Variants in SPRR2G observed in about 807,000 individuals in gnomAD.
The protein encoded by SPRR2G is small proline rich protein 2G.
In SPRR2G, 1 loss-of-function variant was observed where a neutral mutation model predicts 0.7. That is an observed-to-expected ratio of 1.49 (90% confidence interval 0.53 to 7.06). The LOEUF is 7.06. SPRR2G is among the 30% of genes most tolerant of loss of function. The pLI is 0.14. For missense variants in SPRR2G, 96 were observed against 88.5 expected (o/e 1.09, Z -0.34); for synonymous variants, 38 against 33.9 (o/e 1.12, Z -0.42).
the SPRR2G span, among the ~76,000 whole-genome samples, chr1:153,183,570 GT>G: frequency 6.6e-6 from 1 of 151,900 alleles, no homozygotes; most frequent in Non-Finnish European, 1.5e-5. Context: ...GGGGTTGTTT[GT>G]TTTTTTCTTG....
the SPRR2G span, among the ~76,000 whole-genome samples, chr1:153,164,957 C>A: frequency 6.6e-6 from 1 of 152,212 alleles, no homozygotes; most frequent in Non-Finnish European, 1.5e-5. Flanking sequence ...CTTCTCACCT[C>A]TCCCTGGTGC....
the SPRR2G span, among the ~76,000 whole-genome samples, chr1:153,156,738 G>C: frequency 1.3e-5 from 2 of 151,956 alleles, no homozygotes; most frequent in African/African-American, 2.4e-5. Context: ...GGACAGAAAA[G>C]GCAAAAGAGA....
chr1:153,186,584 ATG>A, the SPRR2G span, among the ~76,000 whole-genome samples: 1 of 151,850 alleles, frequency 6.6e-6, no homozygotes, highest in Non-Finnish European at 1.5e-5. Flanking sequence ...TTTTGAGCCT[ATG>A]TGTGTCTTTG....
chr1:153,167,333 G>T, the SPRR2G span, among the ~76,000 whole-genome samples: 1 of 152,042 alleles, frequency 6.6e-6, no homozygotes, highest in Non-Finnish European at 1.5e-5. Context: ...AATTAGCCAG[G>T]CGTGGTGGCT....
chr1:153,182,189 T>C, the SPRR2G span, among the ~76,000 whole-genome samples: 29 of 152,190 alleles, frequency 1.9e-4, no homozygotes, highest in Non-Finnish European at 4.0e-4. Flanking sequence ...ATTTTTCATA[T>C]ACTTGTTGGC....
chr1:153,186,257 C>A, the SPRR2G span, among the ~76,000 whole-genome samples: 1 of 152,104 alleles, frequency 6.6e-6, no homozygotes, highest in Non-Finnish European at 1.5e-5. Context: ...GAGTTCAAGT[C>A]CTGAATATCC....
At chr1:153,188,215 T>C in the SPRR2G span, among the ~76,000 whole-genome samples, 1 of 152,090 alleles carries the variant, frequency 6.6e-6, no homozygotes, top group Admixed American at 6.5e-5. Context: ...GTCTGTCCCT[T>C]AGTAGAGCTT....
At chr1:153,172,143 C>T in the SPRR2G span, among the ~76,000 whole-genome samples, 1 of 152,170 alleles carries the variant, frequency 6.6e-6, no homozygotes, top group South Asian at 2.1e-4. Context: ...CAGGAATTGG[C>T]TTCCACTCTA....
At chr1:153,190,665 G>A in the SPRR2G span, 39 of 152,108 alleles carry the variant, frequency 2.6e-4, no homozygotes, top group African/African-American at 9.2e-4. Flanking sequence ...ACGTTTCTAG[G>A]AGCAAACATT....
At chr1:153,189,421 A>C in the SPRR2G span, among the ~76,000 whole-genome samples, 1 of 151,870 alleles carries the variant, frequency 6.6e-6, no homozygotes, top group Non-Finnish European at 1.5e-5. Context: ...TGTTCATTTT[A>C]CCAAATAAAA....
chr1:153,198,629 T>C, the SPRR2G span, among the ~76,000 whole-genome samples: 1 of 152,090 alleles, frequency 6.6e-6, no homozygotes, highest in Non-Finnish European at 1.5e-5. Context: ...CCAGGTTTCT[T>C]GTTAAGTCTT....
the SPRR2G span, among the ~76,000 whole-genome samples, chr1:153,174,005 T>C: frequency 6.6e-6 from 1 of 152,238 alleles, no homozygotes; most frequent in Non-Finnish European, 1.5e-5. Flanking sequence ...GCAGATGGGC[T>C]CAGAAATTCA....
chr1:153,200,525 A>T, the SPRR2G span, among the ~76,000 whole-genome samples: 1 of 152,166 alleles, frequency 6.6e-6, no homozygotes, highest in African/African-American at 2.4e-5. Context: ...GTAATGGATG[A>T]GGGTGTAGGT....
At chr1:153,161,603 T>C in the SPRR2G span, among the ~76,000 whole-genome samples, 1 of 152,234 alleles carries the variant, frequency 6.6e-6, no homozygotes. Context: ...TACTTTTTTA[T>C]TTCATTGCCT....
At chr1:153,157,472 T>C in the SPRR2G span, among the ~76,000 whole-genome samples, 7 of 152,188 alleles carry the variant, frequency 4.6e-5, no homozygotes, top group Non-Finnish European at 1.0e-4. Flanking sequence ...TACTCTTTTT[T>C]ATTGCTTTTA....
At chr1:153,174,105 A>G in the SPRR2G span, among the ~76,000 whole-genome samples, 2 of 152,218 alleles carry the variant, frequency 1.3e-5, no homozygotes, top group Non-Finnish European at 2.9e-5. Context: ...GGCATAACCC[A>G]TATGTAAGCC....
At chr1:153,176,058 A>T in the SPRR2G span, 1 of 150,630 alleles carries the variant, frequency 6.6e-6, no homozygotes, top group Non-Finnish European at 1.5e-5. Context: ...CTCCATCTCA[A>T]AAAAAAAAAT....
chr1:153,166,595 G>A, the SPRR2G span, among the ~76,000 whole-genome samples: 2 of 152,050 alleles, frequency 1.3e-5, no homozygotes, highest in Non-Finnish European at 2.9e-5. Flanking sequence ...TTGGGCCTCT[G>A]GACAGCAGAG....
the SPRR2G span, among the ~76,000 whole-genome samples, chr1:153,171,325 A>G: frequency 2.0e-5 from 3 of 152,180 alleles, no homozygotes; most frequent in Non-Finnish European, 4.4e-5. Flanking sequence ...AGTAAATAAC[A>G]ATTACAGCTA....
Sources: allele counts gnomAD v4.1 joint callset (sites outside exome capture counted in the v4.1 genomes callset), GRCh38; gene constraint gnomAD v4.1.1; transcripts MANE v1.5; gene names NCBI Gene and HGNC (gene_info 2026-07-23, HGNC 2026-07-21).